Variants in CCDC171 observed in about 807,000 individuals in gnomAD.
The protein encoded by CCDC171 is coiled-coil domain containing 171, also known as coiled-coil domain-containing protein 171.
In CCDC171, 177 loss-of-function variants were observed where a neutral mutation model predicts 168.2. That is an observed-to-expected ratio of 1.05 (90% CI 0.93 to 1.19). The LOEUF is 1.19. Among genes scored for constraint, CCDC171 ranks in the 50% most tolerant of loss-of-function variants. The probability of loss-of-function intolerance (pLI) is 0.00; values close to 1 mark genes in which losing one functional copy is unlikely to be tolerated. For synonymous variants in CCDC171, 687 were observed against 540.8 expected (o/e 1.27, Z -3.75); for missense variants, 1,991 against 1,539.0 (o/e 1.29, Z -4.91).
intron 21 of CCDC171, among the ~76,000 whole-genome samples, chr9:15,841,708 T>G (rs71513249): frequency 1.3e-5 from 2 of 151,974 alleles, no homozygotes; most frequent in South Asian, 2.1e-4. Context: ...TCTTTTATTG[T>G]TGTATTTTTA....
intron 10 of CCDC171, among the ~76,000 whole-genome samples, chr9:15,693,350 T>C (rs545348815): frequency 1.8e-4 from 28 of 152,296 alleles, no homozygotes; most frequent in South Asian, 8.3e-4. Context: ...TCCTAAAGTC[T>C]GTGTGGATGA....
At chr9:15,907,765 A>G (rs1396915022) in intron 24 of CCDC171, among the ~76,000 whole-genome samples, 7 of 152,234 alleles carry the variant, frequency 4.6e-5, no homozygotes, top group Non-Finnish European at 8.8e-5. Flanking sequence ...GTCATCTGAC[A>G]AAGGGCTAAT....
At chr9:15,729,925 A>G (rs981812793) in intron 16 of CCDC171, 127 bp downstream of exon 16, 1 of 635,676 alleles carries the variant, frequency 1.6e-6, no homozygotes, top group Non-Finnish European at 2.7e-6. Flanking sequence ...ACTTGTTTAG[A>G]TACACATATA....
At chr9:15,589,019 T>C (rs1041323288) in intron 4 of CCDC171, among the ~76,000 whole-genome samples, 1 of 152,102 alleles carries the variant, frequency 6.6e-6, no homozygotes, top group Non-Finnish European at 1.5e-5. Context: ...CGTGTTTTTT[T>C]TTTAGAGCTA....
chr9:15,653,108 T>C (rs1352734020), intron 7 of CCDC171, among the ~76,000 whole-genome samples: 5 of 152,218 alleles, frequency 3.3e-5, no homozygotes, highest in Non-Finnish European at 7.3e-5. Context: ...TAATTCATTC[T>C]AGTGGTTTTT....
At chr9:15,694,878 G>A (rs1246555852) in intron 10 of CCDC171, among the ~76,000 whole-genome samples, 2 of 152,200 alleles carry the variant, frequency 1.3e-5, no homozygotes, top group South Asian at 2.1e-4. Context: ...CCATATGACT[G>A]TAGTCATGAT....
At chr9:15,684,564 G>A (rs965398338) in intron 10 of CCDC171, among the ~76,000 whole-genome samples, 5 of 151,764 alleles carry the variant, frequency 3.3e-5, no homozygotes, top group African/African-American at 7.3e-5. Flanking sequence ...TTTTATTTAC[G>A]TGCCTTTCTA....
intron 6 of CCDC171, among the ~76,000 whole-genome samples, chr9:15,611,675 A>C (rs1587404323): frequency 6.6e-6 from 1 of 152,006 alleles, no homozygotes; most frequent in Middle Eastern, 3.4e-3. Context: ...CTTTTGATCA[A>C]CCTCTAGTTT....
intron 7 of CCDC171, among the ~76,000 whole-genome samples, chr9:15,645,727 C>T (rs1182673023): frequency 1.3e-5 from 2 of 152,122 alleles, no homozygotes; most frequent in Non-Finnish European, 2.9e-5. Flanking sequence ...AACGGAACGT[C>T]CAAGAAATAT....
Position 15,920,437 on chromosome 9 carries a change from A to G in CCDC171, c.3753+15A>G. On this transcript the variant is annotated intron_variant, in intron 25 of 25. Coordinates refer to ENST00000380701, the MANE Select transcript of CCDC171 (RefSeq NM_173550.4). ...GTTTACAATCAGTAAGTCCTTGTCT[A>G]ACAATATTTTTATAACTTTTTGAAT... 2 of 1,566,480 alleles carry G rather than the reference A, an allele frequency of 1.3e-6. No individual in the cohort carries two copies. The highest frequency in any genetic ancestry group is 1.7e-6 in the Non-Finnish European group (2 of 1,150,246).
chr9:15,905,963 A>T (rs975789094), intron 24 of CCDC171, among the ~76,000 whole-genome samples: 1 of 152,208 alleles, frequency 6.6e-6, no homozygotes. Flanking sequence ...CCCTCCCAAG[A>T]CTAAACCAGG....
In CCDC171 at chr9:15,956,946, T is replaced by G. The variant is rs902888445; in HGVS notation, c.3754-14663T>G. 7.0e-4 allele frequency among the ~76,000 whole-genome samples: 107 copies of G among 152,022 alleles called. 1 individual carries two copies. Among genetic ancestry groups the G allele is most frequent in the African/African-American group, 2.4e-3 (98 of 41,392 alleles). On this transcript the variant is annotated intron_variant, in intron 25 of 25. Coordinates refer to ENST00000380701, the MANE Select transcript of CCDC171 (RefSeq NM_173550.4). ...CTATAAATTGGTTGTTAATATTAAGTTTTGGTAGTCTAAAAATCAAATCTT... is the reference window on the plus strand; with the variant it reads ...CTATAAATTGGTTGTTAATATTAAGGTTTGGTAGTCTAAAAATCAAATCTT...
At chr9:15,627,889 G>A (rs1055453284) in intron 7 of CCDC171, among the ~76,000 whole-genome samples, 5 of 152,138 alleles carry the variant, frequency 3.3e-5, no homozygotes, top group African/African-American at 9.7e-5. Context: ...CTTTCGTCTA[G>A]TTGATCTGTC....
At chr9:15,671,548 C>T (rs1025471245) in intron 9 of CCDC171, among the ~76,000 whole-genome samples, 1 of 149,876 alleles carries the variant, frequency 6.7e-6, no homozygotes, top group Admixed American at 6.7e-5. Flanking sequence ...GTGATGTTCC[C>T]TGCCCTGTGT....
intron 11 of CCDC171, among the ~76,000 whole-genome samples, chr9:15,699,699 T>A (rs1379881814): frequency 6.6e-6 from 1 of 152,164 alleles, no homozygotes. Context: ...CACGGGGTAC[T>A]GATTGGTGTG....
At chr9:15,719,463 G>A (rs997808435) in intron 11 of CCDC171, among the ~76,000 whole-genome samples, 14 of 148,434 alleles carry the variant, frequency 9.4e-5, no homozygotes, top group Non-Finnish European at 1.8e-4. Context: ...TATTCAAATG[G>A]ATAATAATAG....
At chr9:15,677,689 A>G (rs541758253) in intron 9 of CCDC171, among the ~76,000 whole-genome samples, 1 of 150,928 alleles carries the variant, frequency 6.6e-6, no homozygotes, top group Non-Finnish European at 1.5e-5. Flanking sequence ...ATGTAAACAC[A>G]GTTTAATACT....
At chr9:15,906,684 A>G (rs997270563) in intron 24 of CCDC171, among the ~76,000 whole-genome samples, 8 of 152,208 alleles carry the variant, frequency 5.3e-5, no homozygotes, top group Admixed American at 1.3e-4. Flanking sequence ...GCAATCAGGC[A>G]GGAGAAGGAA....
chr9:15,955,499 C>G (rs1309582106), intron 25 of CCDC171, among the ~76,000 whole-genome samples: 1 of 152,148 alleles, frequency 6.6e-6, no homozygotes, highest in African/African-American at 2.4e-5. Flanking sequence ...AAGTTATGTG[C>G]AAGCTGTTCC....
Sources: allele counts gnomAD v4.1 joint callset (sites outside exome capture counted in the v4.1 genomes callset), GRCh38; gene constraint gnomAD v4.1.1; transcripts MANE v1.5; gene names NCBI Gene and HGNC (gene_info 2026-07-23, HGNC 2026-07-21).